The following RGS22 variants were observed in gnomAD, a reference collection of about 807,000 sequenced individuals.
RGS22 encodes regulator of G-protein signaling 22.
Under a neutral mutation model 172.9 loss-of-function variants are expected in RGS22, and 148 were observed. That is an observed-to-expected ratio of 0.86 (90% CI 0.75 to 0.98). RGS22 has a LOEUF of 0.98. Ranked by LOEUF, RGS22 falls within the 50% of genes least tolerant of loss-of-function variation. The pLI is 0.00. For missense variants in RGS22, 1,347 were observed against 1,440.8 expected (o/e 0.93, Z 1.05); for synonymous variants, 458 against 480.2 (o/e 0.95, Z 0.60).
intron 14 of RGS22, among the ~76,000 whole-genome samples, chr8:100,024,582 A>C (rs1817970923): frequency 6.6e-6 from 1 of 152,244 alleles, no homozygotes; most frequent in South Asian, 2.1e-4. Context: ...AAAATATTAA[A>C]GGTGATGTTT....
chr8:99,977,821 T>G (rs1181624022), intron 23 of RGS22, 96 bp downstream of exon 23: 1 of 1,042,722 alleles, frequency 9.6e-7, no homozygotes, highest in Non-Finnish European at 1.4e-6. Flanking sequence ...TTCCATAACT[T>G]CTCTCTATAT....
chr8:100,094,115 C>T (rs943217311), intron 2 of RGS22, among the ~76,000 whole-genome samples: 1 of 152,160 alleles, frequency 6.6e-6, no homozygotes, highest in African/African-American at 2.4e-5. Context: ...TTTTCCATAA[C>T]TATCTCATCC....
chr8:100,023,234 G>A lies in RGS22; in HGVS notation c.2167-14665C>T, dbSNP rs1225299445. 2.6e-5 allele frequency among the ~76,000 whole-genome samples: 4 copies of A among 152,200 alleles called. No individual in the cohort carries two copies. The East Asian group carries it at 5.8e-4, about 22-fold the overall frequency. On this transcript the variant is annotated intron_variant, in intron 14 of 27. Coordinates refer to ENST00000360863, the MANE Select transcript of RGS22 (RefSeq NM_015668.5). ...CTTGGAAAACAAGTTTACATAGTCA[G>A]AATAAGTGAAGGTAACTGTATGAAC...
chr8:100,079,942 T>C (rs1811624473), intron 4 of RGS22, among the ~76,000 whole-genome samples, 192 bp downstream of exon 4: 1 of 152,188 alleles, frequency 6.6e-6, no homozygotes, highest in African/African-American at 2.4e-5. Flanking sequence ...TCTTCTCAAA[T>C]TGATAAGTGA....
intron 3 of RGS22, among the ~76,000 whole-genome samples, chr8:100,092,288 A>G (rs1208122506): frequency 6.6e-6 from 1 of 152,052 alleles, no homozygotes; most frequent in African/African-American, 2.4e-5. Flanking sequence ...AGCATTCCTT[A>G]TTAACTTTAT....
chr8:100,050,801 T>A (rs939167391), intron 10 of RGS22: 2 of 152,202 alleles, frequency 1.3e-5, no homozygotes, highest in African/African-American at 4.8e-5. Context: ...GCTCATGACT[T>A]ATAATTCAGC....
At chr8:99,962,024 C>T (rs1810252183) in intron 27 of RGS22, among the ~76,000 whole-genome samples, 1 of 151,862 alleles carries the variant, frequency 6.6e-6, no homozygotes, top group Non-Finnish European at 1.5e-5. Context: ...TGTATAATCA[C>T]CTCAGAATCT....
intron 3 of RGS22, among the ~76,000 whole-genome samples, chr8:100,081,983 G>A (rs900493903): frequency 1.4e-5 from 2 of 146,914 alleles, no homozygotes; most frequent in Non-Finnish European, 3.0e-5. Context: ...ATAATCCAAC[G>A]CAAAGAATGT....
chr8:100,040,174 C>G (rs889049828), intron 12 of RGS22, 87 bp from the exon 13 acceptor site: 1 of 1,188,810 alleles, frequency 8.4e-7, no homozygotes, highest in Non-Finnish European at 1.2e-6. Context: ...ATAAACTCTA[C>G]CATGCTGTCA....
At chr8:100,066,397 C>G in intron 6 of RGS22, 101 bp from the exon 7 acceptor site, 1 of 859,460 alleles carries the variant, frequency 1.2e-6, no homozygotes, top group East Asian at 2.7e-5. Context: ...TTGCACAGTA[C>G]AATATGTAAA....
chr8:100,081,909 C>CTTT (rs201340859), intron 3 of RGS22, among the ~76,000 whole-genome samples: 3 of 125,378 alleles, frequency 2.4e-5, no homozygotes, highest in East Asian at 4.4e-4. Flanking sequence ...TATTGTTTTC[C>CTTT]TTTTTTTTTT....
chr8:100,002,806 A>G (rs1815242159), intron 17 of RGS22: 1 of 157,548 alleles, frequency 6.3e-6, no homozygotes, highest in African/African-American at 2.4e-5. Context: ...CTGTAATCCC[A>G]GTACTTTGGG....
intron 3 of RGS22, among the ~76,000 whole-genome samples, chr8:100,089,573 G>C (rs1052471993): frequency 5.9e-5 from 9 of 152,098 alleles, no homozygotes; most frequent in African/African-American, 1.9e-4. Context: ...AAGACTCCCT[G>C]AGTCTGGTTT....
intron 20 of RGS22, among the ~76,000 whole-genome samples, chr8:99,990,951 C>G (rs1194721198): frequency 1.3e-5 from 2 of 152,206 alleles, no homozygotes; most frequent in African/African-American, 4.8e-5. Flanking sequence ...GCAGCCTCCG[C>G]TGGTGATACC....
In RGS22 at chr8:99,981,921, T is replaced by C; in HGVS notation, c.3360+16A>G. 3 of 1,593,202 alleles carry C rather than the reference T, an allele frequency of 1.9e-6. No homozygotes were observed. The highest frequency in any genetic ancestry group is 2.6e-6 in the Non-Finnish European group (3 of 1,170,314). Reference sequence around the variant, plus strand: ...CTATTTTAAAATATGCTTAGCCACATGCCCTGATCTCTTACCTGTGCCTCT... The same window carrying C: ...CTATTTTAAAATATGCTTAGCCACACGCCCTGATCTCTTACCTGTGCCTCT... On this transcript the variant is annotated intron_variant, in intron 22 of 27. Coordinates refer to ENST00000360863, the MANE Select transcript of RGS22 (RefSeq NM_015668.5).
intron 3 of RGS22, among the ~76,000 whole-genome samples, chr8:100,087,034 T>C (rs993549220): frequency 1.5e-4 from 23 of 152,184 alleles, no homozygotes; most frequent in African/African-American, 5.3e-4. Context: ...CTTTCATTAG[T>C]ACCCAAATTC....
At chr8:100,088,977 T>C (rs907382775) in intron 3 of RGS22, among the ~76,000 whole-genome samples, 11 of 151,976 alleles carry the variant, frequency 7.2e-5, no homozygotes, top group African/African-American at 2.7e-4. Flanking sequence ...ATTAGAAGGT[T>C]TACTTGTTTA....
At chr8:100,030,477 C>T (rs946948810) in intron 14 of RGS22, among the ~76,000 whole-genome samples, 9 of 152,258 alleles carry the variant, frequency 5.9e-5, no homozygotes, top group African/African-American at 2.2e-4. Context: ...ATGACAGCTC[C>T]ATGCATGTTA....
chr8:100,080,029 C>G (rs1811633592), intron 4 of RGS22, 105 bp downstream of exon 4: 3 of 785,450 alleles, frequency 3.8e-6, no homozygotes, highest in Admixed American at 2.5e-5. Flanking sequence ...ACAACACAAG[C>G]TAATAAATGT....
Sources: gnomAD v4.1 joint callset for allele counts (sites outside exome capture counted in the v4.1 genomes callset) on GRCh38, gnomAD v4.1.1 for gene constraint, MANE v1.5 for transcripts, NCBI Gene and HGNC (gene_info 2026-07-23, HGNC 2026-07-21) for gene names.